The following LMO2 variants were observed in gnomAD, a reference collection of about 807,000 sequenced individuals.
LMO2 encodes LIM domain only 2, also known as rhombotin-2.
Under a neutral mutation model 23.2 loss-of-function variants are expected in LMO2, and 20 were observed. The observed-to-expected ratio is 0.86, with a 90% CI of 0.61 to 1.25. The LOEUF is 1.25. LMO2 is among the 50% of genes most tolerant of loss of function. The pLI is 0.00. For synonymous variants in LMO2, 123 were observed against 130.2 expected (o/e 0.94, Z 0.38); for missense variants, 270 against 315.3 (o/e 0.86, Z 1.09).
rs949689121 is a variant in LMO2, at chr11:33,891,969, GTGAA to G, written c.-514_-511del. On this transcript the variant is annotated 5_prime_UTR_variant, in exon 1 of 6. Transcript: ENST00000257818. ...TCTGCCAGGACACCCAGAGGCCCTTGTGAATAGCAAAGCCCACTTAACGGCTGAG... is the reference window on the plus strand; with the variant it reads ...TCTGCCAGGACACCCAGAGGCCCTTGTAGCAAAGCCCACTTAACGGCTGAG... 6.6e-6 allele frequency: 1 copy of G among 152,234 alleles called. No homozygotes were observed. Among genetic ancestry groups the G allele is most frequent in the African/African-American group, 2.4e-5 (1 of 41,416 alleles). The allele number at this position is 152,234 out of a possible 1,614,324, so 9.4% of individuals were successfully genotyped here. A position where few individuals can be genotyped will look rare whatever the true frequency, so the allele number is the denominator to read the frequency against.
rs1054260559 is a variant in LMO2, at chr11:33,864,309, C to T, written c.464+293G>A. ...CTCAATCCCATCCCCTAGCTTCTCC[C>T]GCTCCCCAAGGGAAGCACTTTTCTG... is the stretch of plus-strand genomic sequence containing the variant. On this transcript the variant is annotated intron_variant, in intron 5 of 5. Transcript: ENST00000257818. This position sits in a 1 kb window ranked among gnomAD's most constrained non-coding sequence, Gnocchi z 4.8. Among the ~76,000 whole-genome samples, 16 of 152,150 alleles carry T rather than the reference C, an allele frequency of 1.1e-4. No individual in the cohort carries two copies. Among genetic ancestry groups the T allele is most frequent in the South Asian group, 2.1e-4 (1 of 4,830 alleles).
rs1469093614 is a variant in LMO2 at position 33,880,347 on chromosome 11, A to G, written c.-272+1477T>C. ...GCAAACACATATGATTCCACCTTAA[A>G]GAGAAAGGAAATTCTGACATAAGCT... is the stretch of plus-strand genomic sequence containing the variant. On this transcript the variant is annotated intron_variant, in intron 2 of 5. Transcript: ENST00000257818. The surrounding 1 kb of genome is among the most constrained non-coding windows in gnomAD (Gnocchi z 4.3). Among the ~76,000 whole-genome samples the G allele has an allele frequency of 6.6e-6, 1 of 151,224 alleles. No homozygotes were observed.
At chr11:33,869,268 C>A in intron 4 of LMO2, 78 bp downstream of exon 4, 2 of 1,082,074 alleles carry the variant, frequency 1.8e-6, no homozygotes, top group Non-Finnish European at 1.1e-6. Flanking sequence ...CCCTCGCGGG[C>A]CGCCCGGGTC....
Position 33,870,234 on chromosome 11 carries a change from T to C in LMO2, c.-271-247A>G, listed in dbSNP as rs367611404. 306 of 561,426 alleles carry C rather than the reference T, an allele frequency of 5.5e-4. 5 individuals carry two copies. The South Asian group carries it at 0.021, about 38-fold the overall frequency. The allele number at this position is 561,426 out of a possible 1,614,324, so 34.8% of individuals were successfully genotyped here. On this transcript the variant is annotated intron_variant, in intron 2 of 5. Coordinates refer to ENST00000257818, the MANE Select transcript of LMO2 (RefSeq NM_005574.4). Reference sequence around the variant, plus strand: ...AGGCTGGGCAACCACTAAATCATTCTTCAGGGCTTCCCCTCTTCCGCCTTT... The same window carrying C: ...AGGCTGGGCAACCACTAAATCATTCCTCAGGGCTTCCCCTCTTCCGCCTTT...
chr11:33,881,544 G>A (rs1476384910), intron 2 of LMO2: 3 of 365,576 alleles, frequency 8.2e-6, no homozygotes, highest in Non-Finnish European at 1.6e-5. Context: ...TTTTAACCCT[G>A]AAAACGTCCA....
At position 33,865,017 on chromosome 11, in the gene LMO2, C is replaced by G; in HGVS notation, c.249-200G>C. ...GGGTTAAGACGGGAAAGAGCCAGAC[C>G]TTACTCCCTAGATGTCTAAGAAGTA... On this transcript the variant is annotated intron_variant, in intron 4 of 5. Transcript: ENST00000257818. The G allele has an allele frequency of 4.8e-6, 3 of 629,836 alleles. No individual in the cohort carries two copies. In the South Asian group the frequency reaches 5.4e-5, roughly 11 times the overall value. 39.0% of individuals were successfully genotyped at this position (629,836 alleles called of 1,614,324 possible).
chr11:33,881,550 G>A (rs1187452080), intron 2 of LMO2: 3 of 364,586 alleles, frequency 8.2e-6, no homozygotes, highest in Non-Finnish European at 1.6e-5. Context: ...CCCTGAAAAC[G>A]TCCACTTGGA....
chr11:33,884,110 G>A (rs1042426996), intron 1 of LMO2, among the ~76,000 whole-genome samples: 7 of 152,148 alleles, frequency 4.6e-5, no homozygotes, highest in Non-Finnish European at 5.9e-5. Context: ...GCAATTCAAA[G>A]GTGTATTACT....
At chr11:33,866,171 T>C (rs761252790) in intron 4 of LMO2, among the ~76,000 whole-genome samples, 3 of 152,222 alleles carry the variant, frequency 2.0e-5, no homozygotes, top group Non-Finnish European at 4.4e-5. Flanking sequence ...TCAATGTCTA[T>C]AACACTCTGA....
intron 1 of LMO2, among the ~76,000 whole-genome samples, chr11:33,887,240 T>C (rs551739938): frequency 6.6e-6 from 1 of 152,316 alleles, no homozygotes; most frequent in Non-Finnish European, 1.5e-5. Flanking sequence ...TATACATCAT[T>C]GTGGAGTTTG....
intron 1 of LMO2, among the ~76,000 whole-genome samples, chr11:33,889,947 G>T (rs1475636004): frequency 1.3e-5 from 2 of 152,180 alleles, no homozygotes; most frequent in African/African-American, 2.4e-5. Flanking sequence ...ATATGCAATG[G>T]AATATTATTC....
chr11:33,884,564 T>C (rs1857361274), intron 1 of LMO2, among the ~76,000 whole-genome samples: 1 of 152,198 alleles, frequency 6.6e-6, no homozygotes, highest in Admixed American at 6.5e-5. Context: ...AATATACTTG[T>C]ATATAGGCTG....
At chr11:33,874,486 C>T (rs1857091447) in intron 2 of LMO2, among the ~76,000 whole-genome samples, 1 of 152,178 alleles carries the variant, frequency 6.6e-6, no homozygotes, top group Non-Finnish European at 1.5e-5. Flanking sequence ...GCTTGCCTCA[C>T]AGGAGTTTTG....
chr11:33,890,124 T>C (rs1398863987), intron 1 of LMO2, among the ~76,000 whole-genome samples: 1 of 151,980 alleles, frequency 6.6e-6, no homozygotes, highest in African/African-American at 2.4e-5. Flanking sequence ...TGGAATAATA[T>C]ACACTGGAGA....
chr11:33,880,897 C>T lies in LMO2; in HGVS notation c.-272+927G>A, dbSNP rs934079078. On this transcript the variant is annotated intron_variant, in intron 2 of 5. Coordinates refer to ENST00000257818, the MANE Select transcript of LMO2 (RefSeq NM_005574.4). This position sits in a 1 kb window ranked among gnomAD's most constrained non-coding sequence, Gnocchi z 4.3. ...TGCAATCAGTGGCAATCCCTGCCCA[C>T]TTAGGACTTTTCGAATAGTGCTCAT... 2.9e-5 allele frequency: 9 copies of T among 306,246 alleles called. No individual in the cohort carries two copies. Among genetic ancestry groups the T allele is most frequent in the African/African-American group, 1.1e-4 (5 of 45,386 alleles). The allele number at this position is 306,246 out of a possible 1,614,324, so 19.0% of individuals were successfully genotyped here. A position where few individuals can be genotyped will look rare whatever the true frequency, so the allele number is the denominator to read the frequency against.
rs71037312 is a variant in LMO2 at position 33,875,578 on chromosome 11, C to CAAAA, written c.-271-5595_-271-5592dup. 3.1e-4 allele frequency among the ~76,000 whole-genome samples: 36 copies of CAAAA among 115,056 alleles called. 2 individuals carry two copies. The highest frequency in any genetic ancestry group is 8.8e-4 in the South Asian group (3 of 3,414). The allele number at this position is 115,056 out of a possible 152,430, so 75.5% of individuals were successfully genotyped here. Reference sequence around the variant, plus strand: ...GGGCGATAAGAGCAAAACTCCTTCTCAAAAAAAAAAAAAAAAAAAGTTTGA... The same window carrying CAAAA: ...GGGCGATAAGAGCAAAACTCCTTCTCAAAAAAAAAAAAAAAAAAAAAAAGTTTGA... On this transcript the variant is annotated intron_variant, in intron 2 of 5. Transcript: ENST00000257818.
chr11:33,869,469 T>C lies in LMO2; in HGVS notation c.125A>G (p.Glu42Gly). The change falls in exon 4 of 6, where the codon GAG (glutamate) becomes GGG (glycine). Residue 42 changes from glutamate (E) to glycine (G), a missense_variant. Physicochemically the swap from Glu to Gly is moderately conservative, Grantham distance 98 (BLOSUM62 -2). Around this residue, in one of 2 missense-constraint regions of LMO2, gnomAD observed 170 missense variants for 162.0 expected, o/e 1.05. Transcript: ENST00000257818. ...GCCGGCTGCCGGGGCTCGGACCCCC[T>C]CGGGTGCTCGGGCGCCGCCGCCGCC... ...GGGGGGARAP[E>G]GVRAPAAGQP... 4 of 1,207,604 alleles carry C rather than the reference T, an allele frequency of 3.3e-6. No individual in the cohort carries two copies. Among genetic ancestry groups the C allele is most frequent in the Non-Finnish European group, 3.1e-6 (3 of 969,120 alleles). The allele number at this position is 1,207,604 out of a possible 1,614,324, so 74.8% of individuals were successfully genotyped here.
At chr11:33,881,182 G>A (rs1049824694) in intron 2 of LMO2, 1 of 457,022 alleles carries the variant, frequency 2.2e-6, no homozygotes. Context: ...CCTTTCCAAA[G>A]ACTTCGAGAC....
At chr11:33,886,020 T>A (rs900024246) in intron 1 of LMO2, among the ~76,000 whole-genome samples, 1 of 152,124 alleles carries the variant, frequency 6.6e-6, no homozygotes, top group Non-Finnish European at 1.5e-5. Flanking sequence ...GGATTGCAGG[T>A]GCCCACCACC....
Sources: gnomAD v4.1 joint callset for allele counts (sites outside exome capture counted in the v4.1 genomes callset) on GRCh38, gnomAD v4.1.1 for gene constraint, gnomAD v4.1.1 regional missense constraint, Gnocchi (gnomAD v3.1) non-coding constraint, MANE v1.5 for transcripts, NCBI Gene and HGNC (gene_info 2026-07-23, HGNC 2026-07-21) for gene names.